PARD3B: variants seen among roughly 807,000 people sequenced by gnomAD.
The protein encoded by PARD3B is partitioning defective 3 homolog B.
In PARD3B, 103 loss-of-function variants were observed where a neutral mutation model predicts 130.2. The observed-to-expected ratio is 0.79, with a 90% CI of 0.67 to 0.93. The LOEUF (loss-of-function observed/expected upper bound fraction) is 0.93, where lower values mean the gene tolerates loss of function less well. PARD3B is among the 40% of genes least tolerant of loss of function. The pLI is 0.00. For missense variants in PARD3B, 1,609 were observed against 1,499.2 expected (o/e 1.07, Z -1.21); for synonymous variants, 583 against 553.2 (o/e 1.05, Z -0.76).
chr2:205,015,399 G>A lies in PARD3B; in HGVS notation c.395-32182G>A, dbSNP rs575097429. Among the ~76,000 whole-genome samples the A allele has an allele frequency of 1.3e-5, 2 of 152,112 alleles. No homozygotes were observed. The highest frequency in any genetic ancestry group is 2.9e-5 in the Non-Finnish European group (2 of 68,022). ...AAAATCCATGTATAAGTGAACCTGCGCAGCTCGAACCTGTGTTGTTCAAGG... is the reference window on the plus strand; with the variant it reads ...AAAATCCATGTATAAGTGAACCTGCACAGCTCGAACCTGTGTTGTTCAAGG... On this transcript the variant is annotated intron_variant, in intron 3 of 22. Transcript: ENST00000406610. This position sits in a 1 kb window ranked among gnomAD's most constrained non-coding sequence, Gnocchi z 4.5.
intron 21 of PARD3B, among the ~76,000 whole-genome samples, chr2:205,514,107 T>C (rs574510422): frequency 6.6e-6 from 1 of 152,266 alleles, no homozygotes; most frequent in South Asian, 2.1e-4. Context: ...GATCTGAGCA[T>C]TTCTGCATCA....
chr2:205,326,135 C>T (rs1428429730), intron 18 of PARD3B, among the ~76,000 whole-genome samples: 1 of 152,150 alleles, frequency 6.6e-6, no homozygotes, highest in Non-Finnish European at 1.5e-5. Context: ...GCTGCTGTAA[C>T]AAAATTGATT....
chr2:205,497,779 C>T (rs889960923), intron 20 of PARD3B, among the ~76,000 whole-genome samples: 5 of 151,958 alleles, frequency 3.3e-5, no homozygotes, highest in Non-Finnish European at 7.4e-5. Context: ...CTCACATACC[C>T]GTGAAACATA....
At chr2:205,039,925 A>T (rs1202409438) in intron 3 of PARD3B, among the ~76,000 whole-genome samples, 4 of 152,080 alleles carry the variant, frequency 2.6e-5, no homozygotes, top group African/African-American at 9.7e-5. Flanking sequence ...AAGATTTGGA[A>T]ACTTCATTTT....
At chr2:205,480,950 C>G (rs2049212008) in intron 20 of PARD3B, among the ~76,000 whole-genome samples, 1 of 152,046 alleles carries the variant, frequency 6.6e-6, no homozygotes, top group Admixed American at 6.6e-5. Flanking sequence ...GTGGAAGACC[C>G]ACCAATGACA....
chr2:204,959,244 C>G (rs1345309531), intron 2 of PARD3B, among the ~76,000 whole-genome samples: 1 of 152,030 alleles, frequency 6.6e-6, no homozygotes, highest in Non-Finnish European at 1.5e-5. Flanking sequence ...TTTTCTGTTC[C>G]TGTGTTAGTT....
At chr2:205,474,895 G>A (rs1559128290) in intron 20 of PARD3B, among the ~76,000 whole-genome samples, 1 of 152,160 alleles carries the variant, frequency 6.6e-6, no homozygotes, top group South Asian at 2.1e-4. Context: ...TACTAGTGAG[G>A]TTAAGCATTT....
intron 18 of PARD3B, among the ~76,000 whole-genome samples, chr2:205,367,576 C>T (rs2044655919): frequency 6.6e-6 from 1 of 152,134 alleles, no homozygotes. Flanking sequence ...CTCAGAGGAT[C>T]GGATTATCTT....
At chr2:205,228,518 G>A (rs2038678722) in intron 15 of PARD3B, among the ~76,000 whole-genome samples, 1 of 151,768 alleles carries the variant, frequency 6.6e-6, no homozygotes, top group African/African-American at 2.4e-5. Flanking sequence ...CTTTTCTCTT[G>A]CTGCTTTTGG....
chr2:204,546,304 T>G, intron 1 of PARD3B, 185 bp downstream of exon 1: 1 of 849,418 alleles, frequency 1.2e-6, no homozygotes, highest in Non-Finnish European at 1.8e-6. Flanking sequence ...GGCCTTGAGC[T>G]CCGAGGGTCG....
chr2:205,437,043 A>G (rs1179709618), intron 19 of PARD3B, among the ~76,000 whole-genome samples: 3 of 152,026 alleles, frequency 2.0e-5, no homozygotes, highest in South Asian at 4.1e-4. Flanking sequence ...CTTAGACTAT[A>G]TTAAAGTTTA....
chr2:205,027,336 A>G (rs1027274205), intron 3 of PARD3B, among the ~76,000 whole-genome samples: 1 of 151,968 alleles, frequency 6.6e-6, no homozygotes, highest in Non-Finnish European at 1.5e-5. Context: ...CTTTTTATAT[A>G]TCTGTTGGCC....
intron 13 of PARD3B, among the ~76,000 whole-genome samples, chr2:205,179,445 A>T (rs143533570): frequency 6.6e-6 from 1 of 152,206 alleles, no homozygotes; most frequent in Admixed American, 6.5e-5. Flanking sequence ...TGCAAGCTCC[A>T]TTCATGGTAA....
rs1378820407 is a variant in PARD3B, at chr2:205,470,451, C to T, written c.3045-29445C>T. Among the ~76,000 whole-genome samples, 1 of 152,140 alleles carries T rather than the reference C, an allele frequency of 6.6e-6. No individual in the cohort carries two copies. The highest frequency in any genetic ancestry group is 1.5e-5 in the Non-Finnish European group (1 of 68,024). On this transcript the variant is annotated intron_variant, in intron 20 of 22. Transcript: ENST00000406610. This position sits in a 1 kb window ranked among gnomAD's most constrained non-coding sequence, Gnocchi z 4.8. Reference sequence around the variant, plus strand: ...CTGTCAGATGACTCCCTCTGCTCACCCCTGCAGGAGTATTTAAGCTTAACC... The same window carrying T: ...CTGTCAGATGACTCCCTCTGCTCACTCCTGCAGGAGTATTTAAGCTTAACC...
Position 205,558,211 on chromosome 2 carries a change from G to A in PARD3B, c.3260+4808G>A, listed in dbSNP as rs1296558587. On this transcript the variant is annotated intron_variant, in intron 22 of 22. Transcript: ENST00000406610. The surrounding 1 kb of genome is among the most constrained non-coding windows in gnomAD (Gnocchi z 4.8). ...GGCAAGAGGCCAGGGCTCCTGTCCA[G>A]CAAGACTTGGGTGCAGGAGTAGGCA... Among the ~76,000 whole-genome samples the A allele has an allele frequency of 6.6e-6, 1 of 152,186 alleles. No homozygotes were observed. The highest frequency in any genetic ancestry group is 2.4e-5 in the African/African-American group (1 of 41,444).
intron 18 of PARD3B, among the ~76,000 whole-genome samples, chr2:205,386,065 C>T (rs1326349447): frequency 6.6e-6 from 1 of 152,130 alleles, no homozygotes; most frequent in Non-Finnish European, 1.5e-5. Flanking sequence ...ATATATTCTA[C>T]AAATTTCTTT....
chr2:205,367,904 A>C (rs979291137), intron 18 of PARD3B, among the ~76,000 whole-genome samples: 10 of 152,206 alleles, frequency 6.6e-5, no homozygotes, highest in Admixed American at 3.9e-4. Flanking sequence ...TTATTCTTTT[A>C]ATACCCAAAC....
intron 2 of PARD3B, among the ~76,000 whole-genome samples, chr2:204,722,793 A>G (rs1042581715): frequency 6.6e-6 from 1 of 152,086 alleles, no homozygotes; most frequent in Non-Finnish European, 1.5e-5. Context: ...CATCTTCTGA[A>G]TATGGGCAGG....
chr2:205,511,573 T>C (rs999193344), intron 21 of PARD3B, among the ~76,000 whole-genome samples: 15 of 152,160 alleles, frequency 9.9e-5, no homozygotes, highest in Non-Finnish European at 4.4e-5. Context: ...TTATGTAACA[T>C]AAGAAAACCT....
Sources: gnomAD v4.1 joint callset for allele counts (sites outside exome capture counted in the v4.1 genomes callset) on GRCh38, gnomAD v4.1.1 for gene constraint, Gnocchi (gnomAD v3.1) non-coding constraint, MANE v1.5 for transcripts, NCBI Gene and HGNC (gene_info 2026-07-23, HGNC 2026-07-21) for gene names.